The following DISC1 variants were observed in gnomAD, a reference collection of about 807,000 sequenced individuals.
DISC1 encodes disrupted in schizophrenia 1 protein.
DISC1 carries 57 observed loss-of-function variants against 84.5 expected under a neutral mutation model. That is an observed-to-expected ratio of 0.67 (90% confidence interval 0.55 to 0.84). The LOEUF is 0.84. Ranked by LOEUF, DISC1 falls within the 40% of genes least tolerant of loss-of-function variation. DISC1 has a pLI of 0.00. For synonymous variants in DISC1, 411 were observed against 415.2 expected, an observed-to-expected ratio of 0.99 and a Z score of 0.12; for missense variants, 1,000 against 1,057.8, an observed-to-expected ratio of 0.95 and a Z score of 0.76.
chr1:232,039,112 G>C lies in DISC1; in HGVS notation c.*2281G>C, dbSNP rs1004884200. 1.3e-5 allele frequency: 2 copies of C among 152,194 alleles called. No homozygotes were observed. Among genetic ancestry groups the C allele is most frequent in the South Asian group, 4.1e-4 (2 of 4,834 alleles). 9.4% of individuals were successfully genotyped at this position (152,194 alleles called of 1,614,324 possible). A position where few individuals can be genotyped will look rare whatever the true frequency, so the allele number is the denominator to read the frequency against. On this transcript the variant is annotated 3_prime_UTR_variant, in exon 13 of 13. Coordinates refer to ENST00000439617, the MANE Select transcript of DISC1 (RefSeq NM_018662.3). ...GTTCCTGGACTTCATTTTCAATGAT[G>C]AACCAAATTCCTGAATTATTTATAA...
chr1:231,793,332 A>G (rs113232050), intron 6 of DISC1, among the ~76,000 whole-genome samples: 3 of 152,248 alleles, frequency 2.0e-5, no homozygotes, highest in African/African-American at 7.2e-5. Flanking sequence ...AGCATCTATT[A>G]CATTTTCTGG....
chr1:231,886,799 C>CTTTCTT (rs1430396762), intron 9 of DISC1, among the ~76,000 whole-genome samples: 4 of 142,334 alleles, frequency 2.8e-5, no homozygotes, highest in African/African-American at 1.0e-4. Context: ...TTCTTTCTTT[C>CTTTCTT]TTTCTTTCTT....
intron 9 of DISC1, among the ~76,000 whole-genome samples, chr1:231,873,128 G>A (rs546986801): frequency 2.6e-5 from 4 of 152,148 alleles, no homozygotes; most frequent in South Asian, 2.1e-4. Flanking sequence ...CACAAGCACC[G>A]ACTCTGCACT....
At chr1:232,001,291 C>CTG (rs1666657681) in intron 10 of DISC1, among the ~76,000 whole-genome samples, 1 of 152,008 alleles carries the variant, frequency 6.6e-6, no homozygotes, top group African/African-American at 2.4e-5. Flanking sequence ...ATTGGTCAGG[C>CTG]TGGTCTCCAA....
intron 5 of DISC1, among the ~76,000 whole-genome samples, chr1:231,769,409 T>C (rs2076392669): frequency 6.6e-6 from 1 of 152,176 alleles, no homozygotes; most frequent in African/African-American, 2.4e-5. Flanking sequence ...AAAATGAGTA[T>C]GTACATGTAA....
chr1:231,802,587 A>G (rs2079359489), intron 8 of DISC1, among the ~76,000 whole-genome samples: 1 of 152,168 alleles, frequency 6.6e-6, no homozygotes, highest in Non-Finnish European at 1.5e-5. Flanking sequence ...ACTATTTGCC[A>G]TTTGCAGAGA....
intron 1 of DISC1, among the ~76,000 whole-genome samples, chr1:231,648,319 G>A (rs958807607): frequency 5.3e-5 from 8 of 152,140 alleles, no homozygotes; most frequent in South Asian, 4.1e-4. Flanking sequence ...AGATAATCAT[G>A]TGTTTTTTTT....
chr1:231,880,583 G>A lies in DISC1; in HGVS notation c.1981+62066G>A, dbSNP rs943448868. On this transcript the variant is annotated intron_variant, in intron 9 of 12. Transcript: ENST00000439617. ...ACACTGTTATAGGACCGACAGGTTC[G>A]TATGCCCACTGCACAGTAATAGACC... Among the ~76,000 whole-genome samples the A allele has an allele frequency of 6.6e-5, 10 of 152,098 alleles. 1 individual carries two copies. The highest frequency in any genetic ancestry group is 1.9e-4 in the East Asian group (1 of 5,188).
intron 2 of DISC1, among the ~76,000 whole-genome samples, chr1:231,695,661 TGTGTG>T (rs1425129526): frequency 1.3e-5 from 2 of 151,768 alleles, no homozygotes; most frequent in Admixed American, 6.6e-5. Flanking sequence ...TGTGTGTTCA[TGTGTG>T]TGTGTGCATG....
intron 6 of DISC1, among the ~76,000 whole-genome samples, chr1:231,778,776 A>G (rs200418751): frequency 4.6e-5 from 7 of 152,204 alleles, no homozygotes; most frequent in Non-Finnish European, 8.8e-5. Flanking sequence ...CCAATAAAAC[A>G]GGACCCCCAT....
rs535824402 is a variant in DISC1, at chr1:231,783,789, A to C, written c.1635-11453A>C. Among the ~76,000 whole-genome samples, 4 of 152,314 alleles carry C rather than the reference A, an allele frequency of 2.6e-5. No homozygotes were observed. In the South Asian group the frequency reaches 8.3e-4, roughly 32 times the overall value. ...TGGAAAGTTCAGCAAATTCACTATT[A>C]GGGCTTACTCCTTTCCTCTGCTCAC... On this transcript the variant is annotated intron_variant, in intron 6 of 12. Coordinates refer to ENST00000439617, the MANE Select transcript of DISC1 (RefSeq NM_018662.3).
At position 231,893,753 on chromosome 1, in the gene DISC1, A is replaced by C. The variant is rs532794747; in HGVS notation, c.1982-65075A>C. ...CATACGTTAGGACCACTGGTGTTCCATTGGCAAATGCAAGTCACCTGGTCA... is the reference window on the plus strand; with the variant it reads ...CATACGTTAGGACCACTGGTGTTCCCTTGGCAAATGCAAGTCACCTGGTCA... On this transcript the variant is annotated intron_variant, in intron 9 of 12. Transcript: ENST00000439617. Among the ~76,000 whole-genome samples the C allele has an allele frequency of 2.0e-5, 3 of 152,322 alleles. No individual in the cohort carries two copies. In the South Asian group the frequency reaches 6.2e-4, roughly 32 times the overall value.
chr1:231,752,742 C>T (rs1273501948), intron 4 of DISC1, among the ~76,000 whole-genome samples: 1 of 152,232 alleles, frequency 6.6e-6, no homozygotes, highest in African/African-American at 2.4e-5. Context: ...AGGCTAGTCC[C>T]TTCTGCCTGT....
intron 1 of DISC1, among the ~76,000 whole-genome samples, chr1:231,627,205 G>A (rs1015577282): frequency 6.6e-6 from 1 of 152,182 alleles, no homozygotes; most frequent in African/African-American, 2.4e-5. Context: ...CGAAACTGTA[G>A]GAGTCTGACC....
At chr1:231,959,254 T>C (rs1660053731) in intron 10 of DISC1, 3 of 998,922 alleles carry the variant, frequency 3.0e-6, no homozygotes, top group South Asian at 4.5e-5. Context: ...AGGCGGTTTA[T>C]ACATGGTTTG....
intron 9 of DISC1, among the ~76,000 whole-genome samples, chr1:231,852,578 C>T (rs578261976): frequency 1.6e-4 from 24 of 152,318 alleles, no homozygotes; most frequent in African/African-American, 5.8e-4. Flanking sequence ...GGGGCACATG[C>T]GCACCTGGTC....
At chr1:231,787,280 C>T (rs1170884160) in intron 6 of DISC1, among the ~76,000 whole-genome samples, 1 of 152,096 alleles carries the variant, frequency 6.6e-6, no homozygotes, top group African/African-American at 2.4e-5. Context: ...AGATTTATTT[C>T]TTACACTTCT....
intron 9 of DISC1, among the ~76,000 whole-genome samples, chr1:231,885,785 G>A (rs191033104): frequency 2.6e-4 from 39 of 152,284 alleles, no homozygotes; most frequent in African/African-American, 8.7e-4. Context: ...AGAAAGAGGT[G>A]GTAGCAAGAG....
chr1:232,009,100 C>T lies in DISC1; in HGVS notation c.2307+51C>T, dbSNP rs368911044. On this transcript the variant is annotated intron_variant, in intron 11 of 12. Coordinates refer to ENST00000439617, the MANE Select transcript of DISC1 (RefSeq NM_018662.3). The surrounding 1 kb of genome is among the most constrained non-coding windows in gnomAD (Gnocchi z 4.6). ...GAGGGGACCCTTATTCTAAGGGGTGCTTTGGGACCATGCTCCAAATGGGAA... is the reference window on the plus strand; with the variant it reads ...GAGGGGACCCTTATTCTAAGGGGTGTTTTGGGACCATGCTCCAAATGGGAA... The T allele has an allele frequency of 1.6e-5, 25 of 1,611,680 alleles. No individual in the cohort carries two copies. Among genetic ancestry groups the T allele is most frequent in the Non-Finnish European group, 2.1e-5 (25 of 1,178,958 alleles).
Sources: gnomAD v4.1 joint callset for allele counts (sites outside exome capture counted in the v4.1 genomes callset) on GRCh38, gnomAD v4.1.1 for gene constraint, Gnocchi (gnomAD v3.1) non-coding constraint, MANE v1.5 for transcripts, NCBI Gene and HGNC (gene_info 2026-07-23, HGNC 2026-07-21) for gene names.